The following SRRM2 variants were observed in gnomAD, a reference collection of about 807,000 sequenced individuals.
The protein encoded by SRRM2 is serine/arginine repetitive matrix protein 2.
Under a neutral mutation model 213.8 loss-of-function variants are expected in SRRM2, and 30 were observed. The ratio of observed to expected loss-of-function variants is 0.14; its 90% confidence interval spans 0.10 to 0.19. The LOEUF (loss-of-function observed/expected upper bound fraction) is 0.19. Among genes scored for constraint, SRRM2 ranks in the 10% least tolerant of loss-of-function variants. The probability of loss-of-function intolerance (pLI) is 1.00; values close to 1 mark genes in which losing one functional copy is unlikely to be tolerated. For missense variants in SRRM2, 4,904 were observed against 3,647.0 expected, an observed-to-expected ratio of 1.34 and a Z score of -8.88; for synonymous variants, 2,025 against 1,377.7, an observed-to-expected ratio of 1.47 and a Z score of -10.40.
In SRRM2 at chr16:2,764,434, C is replaced by T. The variant is rs1297889057; in HGVS notation, c.3906C>T (p.Ala1302=). The T allele has an allele frequency of 2.5e-6, 4 of 1,612,822 alleles. No individual in the cohort carries two copies. The highest frequency in any genetic ancestry group is 1.3e-5 in the African/African-American group (1 of 74,886). Residue 1302 remains alanine (A), a synonymous_variant, in exon 11 of 15, where the codon GCC becomes GCT. Transcript: ENST00000301740. ...SLEAVEVPSM[A]SSWGGPHFSP... ...AAGCAGTAGAAGTCCCTTCAATGGC[C>T]TCATCTTGGGGTGGGCCACATTTTT...
At chr16:2,753,283 C>T (rs1341058083) in intron 1 of SRRM2, among the ~76,000 whole-genome samples, 3 of 152,216 alleles carry the variant, frequency 2.0e-5, no homozygotes, top group African/African-American at 7.2e-5. Context: ...GGCTTCTCTT[C>T]GGCGTTGGGC....
chr16:2,757,703 G>T, intron 3 of SRRM2, 78 bp from the exon 4 acceptor site: 1 of 1,584,278 alleles, frequency 6.3e-7, no homozygotes. Flanking sequence ...GCCTTATTTG[G>T]CTCCTGCTTA....
At position 2,767,852 on chromosome 16, in the gene SRRM2, C is replaced by T. The variant is rs762445881; in HGVS notation, c.7324C>T (p.Pro2442Ser). The T allele has an allele frequency of 3.7e-6, 6 of 1,614,156 alleles. No individual in the cohort carries two copies. Among genetic ancestry groups the T allele is most frequent in the South Asian group, 3.3e-5 (3 of 91,082 alleles). The change falls in exon 11 of 15, where the codon CCA (proline) becomes TCA (serine). Residue 2442 changes from proline (P) to serine (S), a missense_variant. By Grantham distance (74) the Pro-to-Ser change is moderately conservative. Coordinates refer to ENST00000301740, the MANE Select transcript of SRRM2 (RefSeq NM_016333.4). The part of the protein sequence containing the change: ...GQAPSQSLLP[P>S]AQDQPRSPVP... ...GGCTCCTTCACAGTCTCTTCTCCCT[C>T]CAGCACAGGATCAGCCGAGGTCTCC...
chr16:2,754,327 T>A (rs2068064210), intron 1 of SRRM2, among the ~76,000 whole-genome samples: 1 of 151,476 alleles, frequency 6.6e-6, no homozygotes. Context: ...GGAGTCTAGC[T>A]CTGTTGGCAG....
At position 2,766,024 on chromosome 16, in the gene SRRM2, G is replaced by A; in HGVS notation, c.5496G>A (p.Arg1832=). The A allele has an allele frequency of 1.2e-6, 2 of 1,613,972 alleles. No individual in the cohort carries two copies. Among genetic ancestry groups the A allele is most frequent in the Non-Finnish European group, 1.7e-6 (2 of 1,180,010 alleles). Reference sequence around the variant, plus strand: ...CACCTGCCCGGCAGGAAAGTTCCCGGACCTCCTCTCGACGCCGAAGAGGCC... The same window carrying A: ...CACCTGCCCGGCAGGAAAGTTCCCGAACCTCCTCTCGACGCCGAAGAGGCC... ...SRSPARQESS[R]TSSRRRRGRS... Residue 1832 remains arginine (R), a synonymous_variant, in exon 11 of 15, where the codon CGG becomes CGA. Coordinates refer to ENST00000301740, the MANE Select transcript of SRRM2 (RefSeq NM_016333.4). The surrounding 1 kb of genome is among the most constrained non-coding windows in gnomAD (Gnocchi z 7.0).
chr16:2,766,855 C>G lies in SRRM2; in HGVS notation c.6327C>G (p.Leu2109=), dbSNP rs1474168958. The G allele has an allele frequency of 1.9e-6, 3 of 1,614,180 alleles. No individual in the cohort carries two copies. The highest frequency in any genetic ancestry group is 1.6e-4 in the Middle Eastern group (1 of 6,062). ...HSGSRTPPVA[L]NSSRMSCFSR... ...GTTCACGGACACCTCCAGTAGCACT[C>G]AACAGTTCCAGAATGAGCTGCTTCA... Residue 2109 remains leucine (L), a synonymous_variant, in exon 11 of 15, where the codon CTC becomes CTG. Coordinates refer to ENST00000301740, the MANE Select transcript of SRRM2 (RefSeq NM_016333.4). The surrounding 1 kb of genome is among the most constrained non-coding windows in gnomAD (Gnocchi z 7.0).
rs745499842 is a variant in SRRM2 at position 2,759,134 on chromosome 16, C to T, written c.657-6C>T. On this transcript the variant is annotated splice_polypyrimidine_tract_variant and splice_region_variant and intron_variant, in intron 6 of 14. Coordinates refer to ENST00000301740, the MANE Select transcript of SRRM2 (RefSeq NM_016333.4). ...CTTATGTTTTTTCTTCTCTTTTTTC[C>T]AACAGGTCAGAATCTGAGTCCAAGA... 6.2e-7 allele frequency: 1 copy of T among 1,613,942 alleles called. No individual in the cohort carries two copies. The highest frequency in any genetic ancestry group is 1.1e-5 in the South Asian group (1 of 91,084).
At position 2,765,884 on chromosome 16, in the gene SRRM2, C is replaced by G. The variant is rs1021721831; in HGVS notation, c.5356C>G (p.Arg1786Gly). The change falls in exon 11 of 15, where the codon CGA (arginine) becomes GGA (glycine). Residue 1786 changes from arginine (R) to glycine (G), a missense_variant. Physicochemically the swap from Arg to Gly is moderately radical, Grantham distance 125 (BLOSUM62 -2). Transcript: ENST00000301740. Reference protein sequence around the residue: ...RSRREKTRTTRRRDRSGSSQS... With the variant: ...RSRREKTRTTGRRDRSGSSQS... ...AAGGAGAGAGAAAACAAGAACAACCCGACGTCGAGATAGGTCTGGATCTTC... is the reference window on the plus strand; with the variant it reads ...AAGGAGAGAGAAAACAAGAACAACCGGACGTCGAGATAGGTCTGGATCTTC... 6.2e-7 allele frequency: 1 copy of G among 1,614,022 alleles called. No homozygotes were observed. The highest frequency in any genetic ancestry group is 1.3e-5 in the African/African-American group (1 of 74,888).
In SRRM2 at chr16:2,763,794, A is replaced by T; in HGVS notation, c.3266A>T (p.Lys1089Ile). 6 of 1,614,182 alleles carry T rather than the reference A, an allele frequency of 3.7e-6. No homozygotes were observed. The highest frequency in any genetic ancestry group is 5.1e-6 in the Non-Finnish European group (6 of 1,180,032). The part of the protein sequence containing the change: ...SHSESPSLQS[K>I]SQTSPKGGRS... ...TCAGAATCACCATCTCTGCAGAGCA[A>T]ATCTCAAACATCACCTAAGGGAGGT... Residue 1089 changes from lysine to isoleucine, a missense_variant, in exon 11 of 15, where the codon AAA becomes ATA. By Grantham distance (102) the Lys-to-Ile change is moderately radical. Transcript: ENST00000301740.
Position 2,761,756 on chromosome 16 carries a change from G to A in SRRM2, c.1228G>A (p.Glu410Lys), listed in dbSNP as rs150549403. Residue 410 changes from glutamate (E) to lysine (K), a missense_variant, in exon 11 of 15, where the codon GAG (glutamate) becomes AAG (lysine). Physicochemically the swap from Glu to Lys is moderately conservative, Grantham distance 56. Coordinates refer to ENST00000301740, the MANE Select transcript of SRRM2 (RefSeq NM_016333.4). ...GGACCGTTCACCACCTAAGTCTCCC[G>A]AGAAACTTCCCCAGTCTTCTTCCTC... The part of the protein sequence containing the change: ...TRDRSPPKSP[E>K]KLPQSSSSES... 3 of 1,612,814 alleles carry A rather than the reference G, an allele frequency of 1.9e-6. No individual in the cohort carries two copies. The highest frequency in any genetic ancestry group is 1.7e-5 in the Admixed American group (1 of 59,874).
chr16:2,761,458 T>G, intron 10 of SRRM2, 103 bp from the exon 11 acceptor site: 1 of 953,586 alleles, frequency 1.0e-6, no homozygotes, highest in East Asian at 2.7e-5. Flanking sequence ...TCAGAGGGTG[T>G]GTAAAAGAAA....
rs770173352 is a variant in SRRM2, at chr16:2,764,278, C to G, written c.3750C>G (p.Gly1250=). The G allele has an allele frequency of 6.2e-7, 1 of 1,613,898 alleles. No homozygotes were observed. The highest frequency in any genetic ancestry group is 8.5e-7 in the Non-Finnish European group (1 of 1,179,988). The change falls in exon 11 of 15, where the codon GGC becomes GGG. Residue 1250 remains glycine (G), a synonymous_variant. Transcript: ENST00000301740. Reference sequence around the variant, plus strand: ...TAGAGAAGTCTGAAGAACCCGCAGGCCAAATCCTGTCTCATTTGTCTTCAG... The same window carrying G: ...TAGAGAAGTCTGAAGAACCCGCAGGGCAAATCCTGTCTCATTTGTCTTCAG... ...EVVEKSEEPA[G]QILSHLSSEL... is the part of the protein sequence containing the mutation.
Position 2,765,241 on chromosome 16 carries a change from C to G in SRRM2, c.4713C>G (p.Thr1571=), listed in dbSNP as rs1256312939. ...CAGATTCTAAAGCCAAGACAAGAACCCCACTTCGGCAGAGGAGTCGGTCTG... is the reference window on the plus strand; with the variant it reads ...CAGATTCTAAAGCCAAGACAAGAACGCCACTTCGGCAGAGGAGTCGGTCTG... ...SSPDSKAKTR[T]PLRQRSRSGS... Residue 1571 remains threonine, a synonymous_variant, in exon 11 of 15, where the codon ACC becomes ACG. Coordinates refer to ENST00000301740, the MANE Select transcript of SRRM2 (RefSeq NM_016333.4). 4.3e-6 allele frequency: 7 copies of G among 1,613,952 alleles called. No homozygotes were observed. The South Asian group carries it at 6.6e-5, about 15-fold the overall frequency.
intron 11 of SRRM2, 160 bp downstream of exon 11, chr16:2,768,421 G>A (rs2068620576): frequency 1.4e-5 from 11 of 760,806 alleles, no homozygotes; most frequent in Middle Eastern, 3.0e-4. Context: ...TGGGGCAGGG[G>A]GCGGAGGGAG....
Position 2,768,142 on chromosome 16 carries a change from G to C in SRRM2, c.7614G>C (p.Ser2538=), listed in dbSNP as rs138683055. 9.9e-6 allele frequency: 16 copies of C among 1,613,462 alleles called. No homozygotes were observed. In the South Asian group the frequency reaches 1.1e-4, roughly 11 times the overall value. The change falls in exon 11 of 15, where the codon TCG becomes TCC. Residue 2538 remains serine (S), a synonymous_variant. Transcript: ENST00000301740. ...GGCGGAGTTCCTCCTCGTCGTCGTCGTCCTCTAGCTCCTCCTCTTCTTCAT... is the reference window on the plus strand; with the variant it reads ...GGCGGAGTTCCTCCTCGTCGTCGTCCTCCTCTAGCTCCTCCTCTTCTTCAT... ...KERRSSSSSS[S]SSSSSSSSSS...
chr16:2,765,565 G>T lies in SRRM2; in HGVS notation c.5037G>T (p.Lys1679Asn), dbSNP rs770319546. The stretch of plus-strand genomic sequence containing the variant: ...GTTCCAGGTCATCACCAGAGCCCAA[G>T]ACCAAGTCTCGTACACCACCTCGAC... ...RRGSRSSPEP[K>N]TKSRTPPRRR... The change falls in exon 11 of 15, where the codon AAG becomes AAT. Residue 1679 changes from lysine to asparagine, a missense_variant. Lys to Asn is a moderately conservative substitution (Grantham distance 94). Coordinates refer to ENST00000301740, the MANE Select transcript of SRRM2 (RefSeq NM_016333.4). 1 of 1,614,154 alleles carries T rather than the reference G, an allele frequency of 6.2e-7. No individual in the cohort carries two copies. The highest frequency in any genetic ancestry group is 1.1e-5 in the South Asian group (1 of 91,078).
chr16:2,767,231 G>T lies in SRRM2; in HGVS notation c.6703G>T (p.Ala2235Ser), dbSNP rs781210210. ...CAACCTTGCCAGCAGGATTCCTGCAGCCTCTGCGGCAGCCATGAACCTAGC... is the reference window on the plus strand; with the variant it reads ...CAACCTTGCCAGCAGGATTCCTGCATCCTCTGCGGCAGCCATGAACCTAGC... Reference protein sequence around the residue: ...AANLASRIPAASAAAMNLASA... With the variant: ...AANLASRIPASSAAAMNLASA... Residue 2235 changes from alanine (A) to serine (S), a missense_variant, in exon 11 of 15, where the codon GCC becomes TCC. Transcript: ENST00000301740. 3.7e-6 allele frequency: 6 copies of T among 1,614,150 alleles called. No individual in the cohort carries two copies. The highest frequency in any genetic ancestry group is 5.1e-6 in the Non-Finnish European group (6 of 1,180,042).
intron 1 of SRRM2, 113 bp from the exon 2 acceptor site, chr16:2,756,221 T>C (rs1000219278): frequency 8.9e-6 from 9 of 1,012,996 alleles, no homozygotes; most frequent in African/African-American, 6.5e-5. Context: ...GAAGACTTAG[T>C]GTGAAGATCA....
chr16:2,769,092 C>G lies in SRRM2; in HGVS notation c.7829C>G (p.Ser2610Cys). Residue 2610 changes from serine to cysteine, a missense_variant, in exon 12 of 15, where the codon TCC (serine) becomes TGC (cysteine). Physicochemically the swap from Ser to Cys is moderately radical, Grantham distance 112. Coordinates refer to ENST00000301740, the MANE Select transcript of SRRM2 (RefSeq NM_016333.4). Reference protein sequence around the residue: ...PAKRKRRSSSSSSSSSSSSSS... With the variant: ...PAKRKRRSSSCSSSSSSSSSS... ...AAACGGAAGAGGCGCTCTAGCAGTT[C>G]CAGTTCCAGCTCCTCCTCTTCATCT... 6 of 1,614,044 alleles carry G rather than the reference C, an allele frequency of 3.7e-6. No homozygotes were observed. The highest frequency in any genetic ancestry group is 5.1e-6 in the Non-Finnish European group (6 of 1,179,998).
Sources: allele counts gnomAD v4.1 joint callset (sites outside exome capture counted in the v4.1 genomes callset), GRCh38; gene constraint gnomAD v4.1.1; non-coding constraint Gnocchi (gnomAD v3.1); transcripts MANE v1.5; gene names NCBI Gene and HGNC (gene_info 2026-07-23, HGNC 2026-07-21).